Variants in NEB observed in about 807,000 individuals in gnomAD.
The protein encoded by NEB is nebulin, also known as nemaline myopathy type 2.
NEB carries 512 observed loss-of-function variants against 952.2 expected under a neutral mutation model. The ratio of observed to expected loss-of-function variants is 0.54; its 90% confidence interval spans 0.50 to 0.58. The LOEUF is 0.58. Ranked by LOEUF, NEB falls within the 20% of genes least tolerant of loss-of-function variation. NEB has a pLI of 0.00. For synonymous variants in NEB, 2,900 were observed against 3,149.8 expected (o/e 0.92, Z 2.66); for missense variants, 8,428 against 9,231.1 (o/e 0.91, Z 3.56).
At chr2:151,620,183 A>G (rs1295140030) in intron 72 of NEB, among the ~76,000 whole-genome samples, 2 of 151,868 alleles carry the variant, frequency 1.3e-5, no homozygotes, top group Admixed American at 6.6e-5. Flanking sequence ...AATAGTTTTA[A>G]AATGGACAAT....
chr2:151,616,109 T>C lies in NEB; in HGVS notation c.11182A>G (p.Lys3728Glu), dbSNP rs1430978973. 6.2e-7 allele frequency: 1 copy of C among 1,604,952 alleles called. No individual in the cohort carries two copies. Among genetic ancestry groups the C allele is most frequent in the South Asian group, 1.1e-5 (1 of 89,974 alleles). ...AKLNRINYSD[K>E]LYKLALEESK... The stretch of plus-strand genomic sequence containing the variant: ...TCTTCCAAAGCAAGTTTATAGAGTT[T>C]CTGTAGAAAAGAAAGTCATTACTCA... Residue 3728 changes from lysine to glutamate, a missense_variant and splice_region_variant, in exon 76 of 182, where the codon AAA (lysine) becomes GAA (glutamate). Lys to Glu is a moderately conservative substitution (Grantham distance 56). This residue lies in a region of NEB where 1,772 missense variants were observed against 1,960.3 expected (regional missense o/e 0.90). Transcript: ENST00000397345.
intron 179 of NEB, chr2:151,491,057 T>TG (rs2056185085): frequency 7.1e-6 from 1 of 141,610 alleles, no homozygotes; most frequent in Non-Finnish European, 1.5e-5. Flanking sequence ...TTTTTTGAGA[T>TG]GGGGTCTCTG....
intron 39 of NEB, 124 bp downstream of exon 39, chr2:151,668,903 G>T: frequency 4.2e-6 from 3 of 710,060 alleles, no homozygotes; most frequent in Non-Finnish European, 4.6e-6. Context: ...ATGGTTAAGG[G>T]TTTAATGTGG....
intron 173 of NEB, chr2:151,494,856 G>T (rs1306894915): frequency 6.5e-6 from 1 of 152,784 alleles, no homozygotes; most frequent in Non-Finnish European, 1.5e-5. Context: ...CACTATGTTG[G>T]TCTTGCTGGT....
intron 12 of NEB, among the ~76,000 whole-genome samples, chr2:151,708,005 C>CAG (rs2099722482): frequency 6.6e-6 from 1 of 152,196 alleles, no homozygotes; most frequent in Admixed American, 6.5e-5. Context: ...TCTCCCCCTA[C>CAG]CCGCATCTGG....
intron 78 of NEB, 105 bp downstream of exon 78, chr2:151,612,081 C>T (rs1049649978): frequency 3.3e-6 from 4 of 1,229,878 alleles, no homozygotes; most frequent in South Asian, 1.4e-5. Context: ...GAGAATCAGG[C>T]CTATGACACC....
At chr2:151,644,436 CA>C in intron 56 of NEB, 31 bp downstream of exon 56, 2 of 1,558,996 alleles carry the variant, frequency 1.3e-6, no homozygotes, top group Non-Finnish European at 1.8e-6. Context: ...AAATTGCAAT[CA>C]AATCAATATC....
chr2:151,501,541 T>G (rs2153075506), intron 167 of NEB, 58 bp from the exon 168 acceptor site: 1 of 1,013,494 alleles, frequency 9.9e-7, no homozygotes, highest in South Asian at 2.9e-5. Context: ...TTAGGTAGAC[T>G]TAACCTAAAA....
At chr2:151,517,077 C>G (rs182262864) in intron 156 of NEB, among the ~76,000 whole-genome samples, 3 of 152,200 alleles carry the variant, frequency 2.0e-5, no homozygotes, top group African/African-American at 7.2e-5. Flanking sequence ...CCTGACTGGC[C>G]ATATATTTAA....
chr2:151,627,310 T>G (rs1043587660), intron 69 of NEB, 105 bp from the exon 70 acceptor site: 2 of 1,420,300 alleles, frequency 1.4e-6, no homozygotes, highest in East Asian at 2.4e-5. Context: ...ATTTCATGTA[T>G]ACGTTCTTCA....
intron 27 of NEB, 43 bp from the exon 28 acceptor site, chr2:151,685,018 G>A: frequency 1.3e-6 from 2 of 1,490,010 alleles, no homozygotes; most frequent in Non-Finnish European, 9.2e-7. Context: ...AATCCTCGAT[G>A]GATTTCCAGA....
At chr2:151,551,633 C>G (rs1251239975) in intron 129 of NEB, 105 bp downstream of exon 129, 1 of 828,754 alleles carries the variant, frequency 1.2e-6, no homozygotes, top group Non-Finnish European at 2.0e-6. Flanking sequence ...GTGAATAGAA[C>G]AGCATTTATA....
chr2:151,498,531 A>G (rs2061916679), intron 169 of NEB, among the ~76,000 whole-genome samples, 179 bp from the exon 170 acceptor site: 1 of 152,162 alleles, frequency 6.6e-6, no homozygotes, highest in Non-Finnish European at 1.5e-5. Flanking sequence ...AAGCAAAGGA[A>G]TGCAGGAAAG....
At chr2:151,677,261 G>T (rs2154208583) in intron 34 of NEB, among the ~76,000 whole-genome samples, 1 of 152,298 alleles carries the variant, frequency 6.6e-6, no homozygotes, top group South Asian at 2.1e-4. Flanking sequence ...GTGTATGTAT[G>T]TGTTTGCATG....
Position 151,499,397 on chromosome 2 carries a change from GAC to G in NEB, c.24022-9_24022-8del. 6.7e-7 allele frequency: 1 copy of G among 1,493,916 alleles called. No homozygotes were observed. The allele number at this position is 1,493,916 out of a possible 1,614,324, so 92.5% of individuals were successfully genotyped here. A position where few individuals can be genotyped will look rare whatever the true frequency, so the allele number is the denominator to read the frequency against. The stretch of plus-strand genomic sequence containing the variant: ...CGTTTTCTTTATACAACACCTGTAT[GAC>G]ACAAGAAAGCATCCAGAAAAAACAA... On this transcript the variant is annotated splice_polypyrimidine_tract_variant and splice_region_variant and intron_variant, in intron 168 of 181. Transcript: ENST00000397345.
Position 151,677,618 on chromosome 2 carries a change from C to A in NEB, c.3721G>T (p.Val1241Leu), listed in dbSNP as rs537769519. The change falls in exon 34 of 182, where the codon GTG becomes TTG. Residue 1241 changes from valine (V) to leucine (L), a missense_variant. Physicochemically the swap from Val to Leu is conservative, Grantham distance 32. Transcript: ENST00000397345. Reference protein sequence around the residue: ...HPDTLKFTSIVDSPVMVQAKQ... With the variant: ...HPDTLKFTSILDSPVMVQAKQ... ...GCCTGGACCATAACTGGGGAGTCCACAATGCTGGTAAATTTGAGGGTGTCT... is the reference window on the plus strand; with the variant it reads ...GCCTGGACCATAACTGGGGAGTCCAAAATGCTGGTAAATTTGAGGGTGTCT... 1.4e-5 allele frequency: 22 copies of A among 1,613,984 alleles called. No homozygotes were observed. In the Admixed American group the frequency reaches 1.5e-4, roughly 11 times the overall value.
Position 151,570,119 on chromosome 2 carries a change from C to T in NEB, c.17392G>A (p.Val5798Met), listed in dbSNP as rs771868076. The part of the protein sequence containing the change: ...QWTCMPDQND[V>M]IQAKKAYELQ... ...TCGTAGGCCTTCTTGGCCTGAATCA[C>T]ATCGTTCTGGTCGGGCATGCAGGTC... The change falls in exon 109 of 182, where the codon GTG becomes ATG. Residue 5798 changes from valine (V) to methionine (M), a missense_variant. Coordinates refer to ENST00000397345, the MANE Select transcript of NEB (RefSeq NM_001164508.2). The T allele has an allele frequency of 3.1e-6, 5 of 1,612,548 alleles. No individual in the cohort carries two copies. The highest frequency in any genetic ancestry group is 3.3e-5 in the Admixed American group (2 of 59,874).
At chr2:151,697,055 A>G in intron 16 of NEB, 93 bp downstream of exon 16, 1 of 954,796 alleles carries the variant, frequency 1.0e-6, no homozygotes, top group South Asian at 1.7e-5. Flanking sequence ...CCTGGCTTAC[A>G]TTTATTTGTA....
At chr2:151,493,297 G>A in intron 176 of NEB, 56 bp downstream of exon 176, 1 of 1,340,830 alleles carries the variant, frequency 7.5e-7, no homozygotes, top group Non-Finnish European at 1.1e-6. Flanking sequence ...TTTTTATGAT[G>A]TTAAAATGTT....
Sources: gnomAD v4.1 joint callset for allele counts (sites outside exome capture counted in the v4.1 genomes callset) on GRCh38, gnomAD v4.1.1 for gene constraint, gnomAD v4.1.1 regional missense constraint, MANE v1.5 for transcripts, NCBI Gene and HGNC (gene_info 2026-07-23, HGNC 2026-07-21) for gene names.